Variants in ANXA8 observed in about 807,000 individuals in gnomAD.
The protein encoded by ANXA8 is annexin A8, also known as VAC-beta.
ANXA8 carries 9 observed loss-of-function variants against 26.8 expected under a neutral mutation model. That is an observed-to-expected ratio of 0.34 (90% confidence interval 0.20 to 0.59). The LOEUF (loss-of-function observed/expected upper bound fraction) is 0.59. Among genes scored for constraint, ANXA8 ranks in the 20% least tolerant of loss-of-function variants. ANXA8 has a pLI of 0.84. For missense variants in ANXA8, 83 were observed against 238.5 expected (o/e 0.35, Z 4.29); for synonymous variants, 39 against 94.8 (o/e 0.41, Z 3.42).
chr10:47,741,048 G>T, the ANXA8 span, among the ~76,000 whole-genome samples: 4 of 147,768 alleles, frequency 2.7e-5, no homozygotes, highest in Non-Finnish European at 4.5e-5. Context: ...CATTCTAGAG[G>T]CTGTAAAGTG....
At chr10:47,567,679 G>C in the ANXA8 span, among the ~76,000 whole-genome samples, 1 of 150,658 alleles carries the variant, frequency 6.6e-6, no homozygotes, top group Non-Finnish European at 1.5e-5. Context: ...TGCAATCTAT[G>C]GATTAGAGGT....
the ANXA8 span, among the ~76,000 whole-genome samples, chr10:47,969,676 G>A: frequency 6.8e-6 from 1 of 147,216 alleles, no homozygotes; most frequent in East Asian, 1.9e-4. Flanking sequence ...TACACCTGGG[G>A]GCTTAGCCTG....
chr10:47,495,780 C>T, the ANXA8 span, among the ~76,000 whole-genome samples: 1 of 150,518 alleles, frequency 6.6e-6, no homozygotes, highest in Non-Finnish European at 1.5e-5. Context: ...CAGGAGACAC[C>T]AGCAGAACCA....
the ANXA8 span, chr10:47,589,358 T>G: frequency 1.4e-5 from 2 of 146,766 alleles, no homozygotes; most frequent in South Asian, 2.1e-4. Flanking sequence ...CTTCAAGCTC[T>G]TTACTTGTCT....
At chr10:47,647,659 A>C in the ANXA8 span, among the ~76,000 whole-genome samples, 1 of 149,500 alleles carries the variant, frequency 6.7e-6, no homozygotes, top group African/African-American at 2.6e-5. Flanking sequence ...TGTATATAAA[A>C]AACTAATGTG....
the ANXA8 span, among the ~76,000 whole-genome samples, chr10:47,667,990 G>A: frequency 1.3e-5 from 2 of 151,924 alleles, no homozygotes; most frequent in Non-Finnish European, 2.9e-5. Flanking sequence ...CACTCACTTC[G>A]GCCTCCCAAA....
the ANXA8 span, among the ~76,000 whole-genome samples, chr10:47,655,523 T>A: frequency 6.6e-6 from 1 of 150,954 alleles, no homozygotes; most frequent in East Asian, 1.9e-4. Flanking sequence ...GAGTCTAGGC[T>A]GAATAGGGAA....
chr10:47,744,412 G>GGGGGGGGGTTGGGGGGGAGGGGGGAA, the ANXA8 span, among the ~76,000 whole-genome samples: 19 of 4,514 alleles, frequency 4.2e-3, 1 homozygote, highest in Non-Finnish European at 6.9e-3. Context: ...GGCTCCTGGT[G>GGGGGGGGGTTGGGGGGGAGGGGGGAA]GGGGGGGGGT....
chr10:47,881,796 TGTATGA>T, the ANXA8 span, among the ~76,000 whole-genome samples: 11,676 of 83,382 alleles, frequency 0.14, 42 homozygotes, highest in African/African-American at 0.27. Context: ...AGGGTGTTTG[TGTATGA>T]GTATTTGTGT....
the ANXA8 span, among the ~76,000 whole-genome samples, chr10:47,735,782 C>T: frequency 6.6e-6 from 1 of 151,570 alleles, no homozygotes; most frequent in Non-Finnish European, 1.5e-5. Flanking sequence ...GCTGGGACTA[C>T]AGGCATATGC....
chr10:47,948,584 A>T, the ANXA8 span, among the ~76,000 whole-genome samples: 1 of 148,164 alleles, frequency 6.7e-6, no homozygotes, highest in South Asian at 2.2e-4. Flanking sequence ...CTAAAAAGAA[A>T]ATTTAAATGA....
At chr10:47,623,022 T>C in the ANXA8 span, among the ~76,000 whole-genome samples, 3 of 113,570 alleles carry the variant, frequency 2.6e-5, 1 homozygote, top group African/African-American at 1.0e-4. Context: ...TTCTCAATTG[T>C]TTTGTTTGTA....
the ANXA8 span, among the ~76,000 whole-genome samples, chr10:47,672,795 G>A: frequency 4.6e-5 from 7 of 151,730 alleles, no homozygotes; most frequent in Non-Finnish European, 1.0e-4. Context: ...CGAGGTCTGG[G>A]GAAAGAATTC....
At chr10:47,921,757 C>A in the ANXA8 span, among the ~76,000 whole-genome samples, 1 of 151,750 alleles carries the variant, frequency 6.6e-6, no homozygotes, top group African/African-American at 2.4e-5. Flanking sequence ...GTGCTTCTAA[C>A]AAGGTAGCAA....
At chr10:47,735,519 T>C in the ANXA8 span, among the ~76,000 whole-genome samples, 1 of 149,204 alleles carries the variant, frequency 6.7e-6, no homozygotes, top group African/African-American at 2.5e-5. Context: ...TTCAGTTGTT[T>C]TATGCATGTA....
chr10:47,676,749 C>G, the ANXA8 span, among the ~76,000 whole-genome samples: 2 of 150,724 alleles, frequency 1.3e-5, no homozygotes, highest in African/African-American at 4.9e-5. Context: ...GAAACTGCGT[C>G]TCTACTAAAA....
the ANXA8 span, among the ~76,000 whole-genome samples, chr10:47,982,377 C>T: frequency 1.2e-4 from 18 of 151,430 alleles, no homozygotes; most frequent in Admixed American, 9.2e-4. Context: ...TAGCCCAATA[C>T]TAGAAATGTA....
At chr10:47,701,597 C>A in the ANXA8 span, among the ~76,000 whole-genome samples, 1 of 151,560 alleles carries the variant, frequency 6.6e-6, no homozygotes, top group Non-Finnish European at 1.5e-5. Flanking sequence ...AAAACATAAA[C>A]CCCCCAAAAC....
chr10:47,474,013 C>G lies in ANXA8; in HGVS notation c.699G>C (p.Lys233Asn). The change falls in exon 9 of 12, where the codon AAG (lysine) becomes AAC (asparagine). Residue 233 changes from lysine (K) to asparagine (N), a missense_variant. By Grantham distance (94) the Lys-to-Asn change is moderately conservative. This residue lies in a region of ANXA8 where 28 missense variants were observed against 37.7 expected (regional missense o/e 0.74). Coordinates refer to ENST00000585281, the MANE Select transcript of ANXA8 (RefSeq NM_001040084.3). ...CCTCCAGTGAGCCATGGGTCTCACT[C>G]TTGATGCTGTCCTCAATGCTCTTGT... ...IANKSIEDSI[K>N]SETHGSLEEA... The G allele has an allele frequency of 1.8e-6, 1 of 556,286 alleles. No individual in the cohort carries two copies. Among genetic ancestry groups the G allele is most frequent in the Non-Finnish European group, 3.0e-6 (1 of 328,120 alleles). 34.5% of individuals were successfully genotyped at this position (556,286 alleles called of 1,614,324 possible). A position where few individuals can be genotyped will look rare whatever the true frequency, so the allele number is the denominator to read the frequency against.
Sources: gnomAD v4.1 joint callset for allele counts (sites outside exome capture counted in the v4.1 genomes callset) on GRCh38, gnomAD v4.1.1 for gene constraint, gnomAD v4.1.1 regional missense constraint, MANE v1.5 for transcripts, NCBI Gene and HGNC (gene_info 2026-07-23, HGNC 2026-07-21) for gene names.